DEUP1: variants seen among roughly 807,000 people sequenced by gnomAD.
The protein encoded by DEUP1 is coiled-coil domain containing 67.
A neutral mutation model predicts 87.4 loss-of-function variants in DEUP1; 82 were observed. That is an observed-to-expected ratio of 0.94 (90% confidence interval 0.78 to 1.13). DEUP1 has a LOEUF of 1.13. Ranked by LOEUF, DEUP1 falls within the 50% of genes most tolerant of loss-of-function variation. DEUP1 has a pLI of 0.00. For synonymous variants in DEUP1, 214 were observed against 222.7 expected (o/e 0.96, Z 0.35); for missense variants, 663 against 681.5 (o/e 0.97, Z 0.30).
chr11:93,407,030 G>T (rs1947299691), intron 11 of DEUP1, among the ~76,000 whole-genome samples: 1 of 151,878 alleles, frequency 6.6e-6, no homozygotes, highest in Non-Finnish European at 1.5e-5. Context: ...ATTAGTGGTG[G>T]GTATTTATGA....
rs560743400 is a variant in DEUP1, at chr11:93,408,695, A to G, written c.1523+268A>G. Among the ~76,000 whole-genome samples, 5 of 152,338 alleles carry G rather than the reference A, an allele frequency of 3.3e-5. No homozygotes were observed. In the South Asian group the frequency reaches 1.0e-3, roughly 32 times the overall value. ...GAAGCTGAGGTGGTATACAAAACAT[A>G]CAGATAAGTAATTTTACTTTTGATG... is the stretch of plus-strand genomic sequence containing the variant. On this transcript the variant is annotated intron_variant, in intron 12 of 13. Coordinates refer to ENST00000298050, the MANE Select transcript of DEUP1 (RefSeq NM_181645.4).
chr11:93,428,206 C>A (rs1342327536), intron 13 of DEUP1, among the ~76,000 whole-genome samples: 1 of 151,936 alleles, frequency 6.6e-6, no homozygotes, highest in African/African-American at 2.4e-5. Flanking sequence ...AAATGTCCAA[C>A]AATGATAGAC....
At position 93,393,701 on chromosome 11, in the gene DEUP1, T is replaced by C. The variant is rs544386188; in HGVS notation, c.1042-758T>C. Among the ~76,000 whole-genome samples, 8 of 146,738 alleles carry C rather than the reference T, an allele frequency of 5.5e-5. No individual in the cohort carries two copies. In the East Asian group the frequency reaches 1.4e-3, roughly 26 times the overall value. On this transcript the variant is annotated intron_variant, in intron 9 of 13. Transcript: ENST00000298050. ...GACGGATGATTATGTACTTTAAGTC[T>C]CAAGAATTAGAAACAGTAATGGTTT...
intron 5 of DEUP1, among the ~76,000 whole-genome samples, chr11:93,365,299 T>C (rs1356557156): frequency 6.6e-6 from 1 of 152,024 alleles, no homozygotes; most frequent in Non-Finnish European, 1.5e-5. Flanking sequence ...TCCAGCACAT[T>C]TTACATGCTT....
intron 6 of DEUP1, 55 bp from the exon 7 acceptor site, chr11:93,370,983 G>A: frequency 6.8e-7 from 1 of 1,481,406 alleles, no homozygotes; most frequent in South Asian, 1.3e-5. Flanking sequence ...TGAACTTCAT[G>A]TAAGCTTAAA....
At chr11:93,391,534 C>A (rs1459544705) in intron 9 of DEUP1, among the ~76,000 whole-genome samples, 1 of 151,716 alleles carries the variant, frequency 6.6e-6, no homozygotes, top group East Asian at 1.9e-4. Flanking sequence ...ATGGTGAAAC[C>A]CTGTCTCTAC....
chr11:93,430,677 A>T (rs1948076611), intron 13 of DEUP1, among the ~76,000 whole-genome samples: 1 of 152,230 alleles, frequency 6.6e-6, no homozygotes, highest in Non-Finnish European at 1.5e-5. Context: ...TGGTGGTTGC[A>T]CAACATTGTG....
intron 2 of DEUP1, among the ~76,000 whole-genome samples, chr11:93,351,169 A>G (rs1239137630): frequency 1.3e-5 from 2 of 151,872 alleles, no homozygotes; most frequent in African/African-American, 4.8e-5. Context: ...GACTTGTAAG[A>G]GTTCTTCCAT....
intron 2 of DEUP1, among the ~76,000 whole-genome samples, chr11:93,349,336 G>A (rs1013955804): frequency 2.0e-5 from 3 of 152,150 alleles, no homozygotes; most frequent in Non-Finnish European, 2.9e-5. Flanking sequence ...GATAGTGAAA[G>A]GTGGCTTACT....
chr11:93,413,796 T>A (rs1158733758), intron 12 of DEUP1, among the ~76,000 whole-genome samples: 1 of 152,056 alleles, frequency 6.6e-6, no homozygotes, highest in Non-Finnish European at 1.5e-5. Context: ...AATAGTGGGG[T>A]TTTTTAAGTC....
chr11:93,343,176 A>G (rs1260799603), intron 2 of DEUP1, among the ~76,000 whole-genome samples: 1 of 152,192 alleles, frequency 6.6e-6, no homozygotes, highest in Non-Finnish European at 1.5e-5. Context: ...AAAGCAGTAT[A>G]TTAATTAAAA....
At chr11:93,411,983 G>T (rs1457467970) in intron 12 of DEUP1, among the ~76,000 whole-genome samples, 1 of 152,142 alleles carries the variant, frequency 6.6e-6, no homozygotes, top group Non-Finnish European at 1.5e-5. Context: ...TTGTACTGTG[G>T]TTTTGCTCAA....
At chr11:93,390,303 A>G (rs1461724423) in intron 9 of DEUP1, among the ~76,000 whole-genome samples, 2 of 152,322 alleles carry the variant, frequency 1.3e-5, no homozygotes, top group East Asian at 3.9e-4. Context: ...TTTAACAAAC[A>G]TTTGTTGAGT....
intron 5 of DEUP1, 150 bp downstream of exon 5, chr11:93,364,444 T>A: frequency 1.5e-6 from 1 of 661,408 alleles, no homozygotes; most frequent in South Asian, 2.1e-5. Context: ...ATTTTCTTAG[T>A]GCACCTTCCC....
intron 2 of DEUP1, among the ~76,000 whole-genome samples, chr11:93,344,946 T>G (rs1278012778): frequency 6.6e-6 from 1 of 152,070 alleles, no homozygotes; most frequent in Non-Finnish European, 1.5e-5. Flanking sequence ...TACAGATTAT[T>G]TCATCATCCA....
chr11:93,339,240 A>G (rs189035150), intron 2 of DEUP1, among the ~76,000 whole-genome samples: 167 of 152,346 alleles, frequency 1.1e-3, no homozygotes, highest in African/African-American at 3.8e-3. Context: ...CATATATGGC[A>G]TAGCCATTTA....
rs1290915876 is a variant in DEUP1, at chr11:93,373,602, T to A, written c.789+2322T>A. 4.7e-4 allele frequency among the ~76,000 whole-genome samples: 53 copies of A among 111,930 alleles called. No individual in the cohort carries two copies. In the Admixed American group the frequency reaches 5.4e-3, roughly 11 times the overall value. The allele number at this position is 111,930 out of a possible 152,430, so 73.4% of individuals were successfully genotyped here. On this transcript the variant is annotated intron_variant, in intron 7 of 13. Transcript: ENST00000298050. ...ATATACATATATATATACGTATATATATTTATATATGTATATATATACGTA... is the reference window on the plus strand; with the variant it reads ...ATATACATATATATATACGTATATAAATTTATATATGTATATATATACGTA...
intron 2 of DEUP1, among the ~76,000 whole-genome samples, chr11:93,353,196 G>A (rs1944711481): frequency 6.6e-6 from 1 of 152,124 alleles, no homozygotes. Context: ...CAAAACAGAG[G>A]GGTTACAGGC....
chr11:93,352,343 C>A (rs756023747), intron 2 of DEUP1: 30 of 702,372 alleles, frequency 4.3e-5, no homozygotes, highest in Non-Finnish European at 7.8e-5. Flanking sequence ...CTTATCCAGT[C>A]TGAGTGACTG....
Sources: gnomAD v4.1 joint callset for allele counts (sites outside exome capture counted in the v4.1 genomes callset) on GRCh38, gnomAD v4.1.1 for gene constraint, MANE v1.5 for transcripts, NCBI Gene and HGNC (gene_info 2026-07-23, HGNC 2026-07-21) for gene names.